The following GRIK2 variants were observed in gnomAD, a reference collection of about 807,000 sequenced individuals.
The protein encoded by GRIK2 is glutamate ionotropic receptor kainate type subunit 2.
In GRIK2, 32 loss-of-function variants were observed where a neutral mutation model predicts 100.3. The ratio of observed to expected loss-of-function variants is 0.32; its 90% confidence interval spans 0.24 to 0.43. The LOEUF is 0.43. GRIK2 is among the 20% of genes least tolerant of loss of function. The pLI, the probability that GRIK2 is intolerant of heterozygous loss-of-function variation, is 1.00. For missense variants in GRIK2, 843 were observed against 1,114.9 expected, an observed-to-expected ratio of 0.76 and a Z score of 3.47; for synonymous variants, 417 against 389.4, an observed-to-expected ratio of 1.07 and a Z score of -0.83.
chr6:101,886,751 A>G (rs1054071480), intron 11 of GRIK2, among the ~76,000 whole-genome samples: 2 of 150,660 alleles, frequency 1.3e-5, no homozygotes, highest in Non-Finnish European at 3.0e-5. Context: ...TTTGACCAGC[A>G]TCTTGACAAC....
intron 2 of GRIK2, among the ~76,000 whole-genome samples, chr6:101,475,974 G>A (rs911847013): frequency 2.6e-5 from 4 of 152,016 alleles, no homozygotes; most frequent in African/African-American, 7.2e-5. Flanking sequence ...TACCCCATTT[G>A]ATATGCTTAA....
chr6:101,707,172 T>C (rs938516848), intron 7 of GRIK2, among the ~76,000 whole-genome samples: 3 of 151,730 alleles, frequency 2.0e-5, no homozygotes, highest in Non-Finnish European at 4.4e-5. Context: ...TGGGGCAGTG[T>C]GGGCTTATAG....
intron 4 of GRIK2, among the ~76,000 whole-genome samples, chr6:101,657,216 G>T (rs2128331675): frequency 6.6e-6 from 1 of 152,248 alleles, no homozygotes; most frequent in Admixed American, 6.5e-5. Flanking sequence ...GCAGAGACCT[G>T]GTGGAAGGGG....
At chr6:101,729,129 G>A (rs1775077955) in intron 7 of GRIK2, among the ~76,000 whole-genome samples, 1 of 152,042 alleles carries the variant, frequency 6.6e-6, no homozygotes, top group Non-Finnish European at 1.5e-5. Flanking sequence ...CTGGCAGCTA[G>A]AGTAGAGTTG....
intron 16 of GRIK2, among the ~76,000 whole-genome samples, chr6:102,059,722 A>G (rs1771651428): frequency 6.6e-6 from 1 of 150,922 alleles, no homozygotes; most frequent in South Asian, 2.1e-4. Context: ...AAATATTTGC[A>G]TATGTCTACT....
At chr6:101,582,205 G>A (rs989113679) in intron 2 of GRIK2, among the ~76,000 whole-genome samples, 2 of 151,512 alleles carry the variant, frequency 1.3e-5, no homozygotes, top group African/African-American at 2.4e-5. Context: ...TTCTCCTAAT[G>A]CTATCCCTCT....
chr6:101,979,774 G>A (rs1012856527), intron 14 of GRIK2, among the ~76,000 whole-genome samples: 2 of 151,914 alleles, frequency 1.3e-5, no homozygotes, highest in African/African-American at 2.4e-5. Flanking sequence ...TATATGTTAA[G>A]CCCATAAATA....
intron 2 of GRIK2, among the ~76,000 whole-genome samples, chr6:101,501,861 G>T (rs1330330105): frequency 6.6e-6 from 1 of 152,050 alleles, no homozygotes; most frequent in Non-Finnish European, 1.5e-5. Flanking sequence ...GGGTTCAAGC[G>T]ATCCTCCCAC....
intron 4 of GRIK2, among the ~76,000 whole-genome samples, chr6:101,661,424 G>A (rs563272685): frequency 1.3e-5 from 2 of 152,118 alleles, no homozygotes; most frequent in East Asian, 1.9e-4. Context: ...GTGGGGGTGA[G>A]ATACGCTGAG....
intron 14 of GRIK2, among the ~76,000 whole-genome samples, chr6:101,936,764 A>G (rs1582571954): frequency 6.6e-6 from 1 of 152,274 alleles, no homozygotes; most frequent in Non-Finnish European, 1.5e-5. Context: ...GTGAAACAGC[A>G]GATGTGAAGG....
chr6:101,397,109 G>T (rs1294696746), intron 1 of GRIK2, among the ~76,000 whole-genome samples: 1 of 152,000 alleles, frequency 6.6e-6, no homozygotes. Flanking sequence ...AAAGAGATGT[G>T]GTACATTTTG....
chr6:101,467,443 T>A (rs1199628970), intron 2 of GRIK2, among the ~76,000 whole-genome samples: 1 of 152,166 alleles, frequency 6.6e-6, no homozygotes, highest in Non-Finnish European at 1.5e-5. Context: ...GATACAAAGC[T>A]TTCAAGGTTT....
intron 2 of GRIK2, among the ~76,000 whole-genome samples, chr6:101,505,776 G>GAAAAAAA (rs35632931): frequency 8.8e-6 from 1 of 113,316 alleles, no homozygotes. Flanking sequence ...GAAGAAATTA[G>GAAAAAAA]AAAAAAAAAA....
intron 7 of GRIK2, among the ~76,000 whole-genome samples, chr6:101,764,914 G>GT (rs1314720929): frequency 6.6e-6 from 1 of 152,078 alleles, no homozygotes; most frequent in Non-Finnish European, 1.5e-5. Flanking sequence ...TTTTCTGTGT[G>GT]TGTGTGTGTT....
rs141604369 is a variant in GRIK2 at position 101,842,358 on chromosome 6, T to C, written c.1318-16929T>C. 1.5e-3 allele frequency among the ~76,000 whole-genome samples: 221 copies of C among 152,276 alleles called. 1 individual carries two copies. The highest frequency in any genetic ancestry group is 5.1e-3 in the African/African-American group (211 of 41,576). The stretch of plus-strand genomic sequence containing the variant: ...TCATACTCATTCTACTCATACCTTT[T>C]TCTGGTGGTTTTTCCTCTGGGATGA... On this transcript the variant is annotated intron_variant, in intron 10 of 16. Transcript: ENST00000369134.
intron 2 of GRIK2, among the ~76,000 whole-genome samples, chr6:101,440,039 T>C (rs1316605157): frequency 6.6e-6 from 1 of 152,124 alleles, no homozygotes; most frequent in Non-Finnish European, 1.5e-5. Flanking sequence ...CAAATTGTTA[T>C]GGAATTTTTT....
At chr6:101,787,208 C>CT (rs1018721398) in intron 7 of GRIK2, among the ~76,000 whole-genome samples, 3 of 150,810 alleles carry the variant, frequency 2.0e-5, no homozygotes, top group Non-Finnish European at 4.4e-5. Context: ...GGTCTTTCAT[C>CT]TTTTTTTTCT....
At position 101,830,012 on chromosome 6, in the gene GRIK2, C is replaced by T. The variant is rs560620822; in HGVS notation, c.1317+11529C>T. On this transcript the variant is annotated intron_variant, in intron 10 of 16. Coordinates refer to ENST00000369134, the MANE Select transcript of GRIK2 (RefSeq NM_021956.5). ...GAGAAAAGCCAGAGGCATCACACTA[C>T]CTGACTTCAAATAATACTACAAGGC... is the stretch of plus-strand genomic sequence containing the variant. 1.2e-4 allele frequency among the ~76,000 whole-genome samples: 19 copies of T among 152,148 alleles called. No homozygotes were observed. The South Asian group carries it at 3.9e-3, about 31-fold the overall frequency.
chr6:101,770,165 C>T (rs539487215), intron 7 of GRIK2, among the ~76,000 whole-genome samples: 3 of 152,260 alleles, frequency 2.0e-5, no homozygotes, highest in South Asian at 4.1e-4. Context: ...TCTATCGTTA[C>T]TGCCTTGTTT....
Sources: allele counts gnomAD v4.1 joint callset (sites outside exome capture counted in the v4.1 genomes callset), GRCh38; gene constraint gnomAD v4.1.1; transcripts MANE v1.5; gene names NCBI Gene and HGNC (gene_info 2026-07-23, HGNC 2026-07-21).